The following ENG variants were observed in gnomAD, a reference collection of about 807,000 sequenced individuals.
ENG encodes CD105 antigen.
ENG carries 17 observed loss-of-function variants against 71.0 expected under a neutral mutation model. The ratio of observed to expected loss-of-function variants is 0.24; its 90% confidence interval spans 0.16 to 0.36. ENG has a LOEUF of 0.36. ENG is among the 10% of genes least tolerant of loss of function. The pLI is 1.00. For missense variants in ENG, 749 were observed against 868.3 expected (o/e 0.86, Z 1.73); for synonymous variants, 360 against 366.9 (o/e 0.98, Z 0.21).
intron 1 of ENG, among the ~76,000 whole-genome samples, chr9:127,853,288 C>T (rs894162845): frequency 6.6e-6 from 1 of 152,074 alleles, no homozygotes; most frequent in Admixed American, 6.6e-5. Context: ...GCTGCCCCAC[C>T]GCTGTTTTCC....
chr9:127,826,052 G>A (rs1360606335), intron 4 of ENG, among the ~76,000 whole-genome samples, 192 bp from the exon 5 acceptor site: 2 of 152,162 alleles, frequency 1.3e-5, no homozygotes, highest in Non-Finnish European at 2.9e-5. Flanking sequence ...GCAAGTCCCC[G>A]GGCCTCCGTG....
intron 7 of ENG, 118 bp downstream of exon 7, chr9:127,824,682 T>C: frequency 8.1e-7 from 1 of 1,238,470 alleles, no homozygotes; most frequent in South Asian, 1.6e-5. Context: ...ATGAGAAAAA[T>C]GAGGCTCAGA....
At chr9:127,834,134 A>G (rs1445721362) in intron 2 of ENG, among the ~76,000 whole-genome samples, 7 of 151,946 alleles carry the variant, frequency 4.6e-5, no homozygotes, top group East Asian at 1.9e-4. Context: ...GTGCAATGGC[A>G]TGATCTCGGC....
Position 127,854,595 on chromosome 9 carries a change from G to A in ENG, c.-240C>T. On this transcript the variant is annotated 5_prime_UTR_variant, in exon 1 of 15. Coordinates refer to ENST00000373203, the MANE Select transcript of ENG (RefSeq NM_001114753.3). The stretch of plus-strand genomic sequence containing the variant: ...AGGATGGGCGGGGAGGGGGTGCTGG[G>A]CTCCAATGGATGGCAGTGACAGCAG... 1.8e-6 allele frequency: 1 copy of A among 567,088 alleles called. No homozygotes were observed. The highest frequency in any genetic ancestry group is 3.1e-6 in the Non-Finnish European group (1 of 320,384). 35.1% of individuals were successfully genotyped at this position (567,088 alleles called of 1,614,324 possible).
At chr9:127,823,071 G>A (rs1430721051) in intron 8 of ENG, among the ~76,000 whole-genome samples, 1 of 151,872 alleles carries the variant, frequency 6.6e-6, no homozygotes, top group African/African-American at 2.4e-5. Context: ...AAACTCTTGA[G>A]CTCCGGCAAT....
rs546901165 is a variant in ENG at position 127,821,659 on chromosome 9, C to T, written c.1135-1622G>A. Reference sequence around the variant, plus strand: ...TTGGGAGGCCGAGGTGGGCGGATCACAAGGTCAGGAGTTCGAGACCAGCCT... The same window carrying T: ...TTGGGAGGCCGAGGTGGGCGGATCATAAGGTCAGGAGTTCGAGACCAGCCT... On this transcript the variant is annotated intron_variant, in intron 8 of 14. Transcript: ENST00000373203. Among the ~76,000 whole-genome samples the T allele has an allele frequency of 3.3e-5, 5 of 151,536 alleles. No homozygotes were observed. In the South Asian group the frequency reaches 1.0e-3, roughly 32 times the overall value.
chr9:127,817,812 G>C (rs1305057499), intron 12 of ENG: 13 of 519,230 alleles, frequency 2.5e-5, no homozygotes, highest in Non-Finnish European at 4.6e-5. Context: ...ATGTGCGGGT[G>C]GTTAGATTCC....
rs373308042 is a variant in ENG at position 127,819,664 on chromosome 9, C to T, written c.1273-4G>A. 103 of 1,608,404 alleles carry T rather than the reference C, an allele frequency of 6.4e-5. No homozygotes were observed. The highest frequency in any genetic ancestry group is 1.3e-4 in the African/African-American group (10 of 75,002). ...TCGACAGGATATTGACCACCGCCTG[C>T]GGGGATAAAGCCAGGGAGCTGGTCA... On this transcript the variant is annotated splice_region_variant and splice_polypyrimidine_tract_variant and intron_variant, in intron 9 of 14. Coordinates refer to ENST00000373203, the MANE Select transcript of ENG (RefSeq NM_001114753.3).
rs766073909 is a variant in ENG at position 127,816,022 on chromosome 9, G to A, written c.1773C>T (p.Ala591=). The change falls in exon 14 of 15, where the codon GCC becomes GCT. Residue 591 remains alanine (A), a synonymous_variant. Coordinates refer to ENST00000373203, the MANE Select transcript of ENG (RefSeq NM_001114753.3). ...GCTSKGLVLP[A]VLGITFGAFL... is the part of the protein sequence containing the mutation. Reference sequence around the variant, plus strand: ...AGGCACCAAAGGTGATGCCCAGCACGGCGGGCAGGACGAGGCCTTTGCTTG... The same window carrying A: ...AGGCACCAAAGGTGATGCCCAGCACAGCGGGCAGGACGAGGCCTTTGCTTG... The A allele has an allele frequency of 8.7e-6, 14 of 1,610,720 alleles. No homozygotes were observed. Among genetic ancestry groups the A allele is most frequent in the South Asian group, 2.2e-5 (2 of 90,462 alleles).
At chr9:127,837,969 A>G (rs548280025) in intron 2 of ENG, among the ~76,000 whole-genome samples, 2 of 152,188 alleles carry the variant, frequency 1.3e-5, no homozygotes, top group South Asian at 4.1e-4. Flanking sequence ...AAGGCCTGAG[A>G]CAAGAATACA....
intron 11 of ENG, 143 bp from the exon 12 acceptor site, chr9:127,818,520 A>AG: frequency 6.7e-7 from 1 of 1,484,638 alleles, no homozygotes; most frequent in South Asian, 1.2e-5. Flanking sequence ...TGTCTGGGGC[A>AG]GAGGAGGAGG....
chr9:127,828,067 A>G (rs914621007), intron 3 of ENG, among the ~76,000 whole-genome samples: 7 of 148,810 alleles, frequency 4.7e-5, no homozygotes, highest in African/African-American at 1.3e-4. Flanking sequence ...GCCTCGGCTT[A>G]CCAAAGTGTT....
chr9:127,835,384 G>A (rs1830876388), intron 2 of ENG, among the ~76,000 whole-genome samples: 1 of 152,098 alleles, frequency 6.6e-6, no homozygotes, highest in Non-Finnish European at 1.5e-5. Context: ...CCTCTCAACT[G>A]CACCTCTCTC....
chr9:127,822,752 T>C (rs12001427), intron 8 of ENG, among the ~76,000 whole-genome samples: 16,529 of 152,228 alleles, frequency 0.11, 1,792 homozygotes, highest in African/African-American at 0.28. Context: ...GAAAACGCTC[T>C]AGAAAGAAGC....
chr9:127,844,626 A>G (rs2131922041), intron 1 of ENG, among the ~76,000 whole-genome samples: 2 of 150,830 alleles, frequency 1.3e-5, no homozygotes, highest in South Asian at 4.2e-4. Context: ...ATGAGGTTTC[A>G]CCATGTTGCT....
rs1469054375 is a variant in ENG at position 127,815,317 on chromosome 9, TG to T, written c.*364del. Reference sequence around the variant, plus strand: ...AGCGGGGAGGTGCTGTTGGCCTGGCTGGGCTGGCCTGAATCTGTTTCAAGTT... The same window carrying T: ...AGCGGGGAGGTGCTGTTGGCCTGGCTGGCTGGCCTGAATCTGTTTCAAGTT... On this transcript the variant is annotated 3_prime_UTR_variant, in exon 15 of 15. Transcript: ENST00000373203. The T allele has an allele frequency of 6.7e-5, 16 of 240,036 alleles. No homozygotes were observed. The highest frequency in any genetic ancestry group is 1.3e-4 in the Non-Finnish European group (16 of 123,602). The allele number at this position is 240,036 out of a possible 1,614,324, so 14.9% of individuals were successfully genotyped here.
intron 1 of ENG, among the ~76,000 whole-genome samples, chr9:127,847,354 G>A (rs1018898851): frequency 2.0e-5 from 3 of 152,138 alleles, no homozygotes; most frequent in Non-Finnish European, 4.4e-5. Flanking sequence ...CAGTTTGATG[G>A]GGTAACCCCT....
chr9:127,851,802 C>T (rs1001135329), intron 1 of ENG, among the ~76,000 whole-genome samples: 15 of 151,990 alleles, frequency 9.9e-5, no homozygotes, highest in African/African-American at 1.2e-4. Flanking sequence ...TGCTTGAACC[C>T]GGGAGACGGA....
intron 1 of ENG, among the ~76,000 whole-genome samples, chr9:127,848,528 C>T (rs570386001): frequency 1.3e-5 from 2 of 152,326 alleles, no homozygotes; most frequent in Non-Finnish European, 2.9e-5. Context: ...AAGTGATCCT[C>T]CCACCTTAGC....
Sources: gnomAD v4.1 joint callset for allele counts (sites outside exome capture counted in the v4.1 genomes callset) on GRCh38, gnomAD v4.1.1 for gene constraint, MANE v1.5 for transcripts, NCBI Gene and HGNC (gene_info 2026-07-23, HGNC 2026-07-21) for gene names.